The following FBXW7 variants were observed in gnomAD, a reference collection of about 807,000 sequenced individuals.
FBXW7 encodes F-box/WD repeat-containing protein 7.
FBXW7 carries 11 observed loss-of-function variants against 86.3 expected under a neutral mutation model. The observed-to-expected ratio is 0.13, with a 90% confidence interval of 0.08 to 0.21. The LOEUF (loss-of-function observed/expected upper bound fraction) is 0.21. FBXW7 is among the 10% of genes least tolerant of loss of function. The probability of loss-of-function intolerance (pLI) is 1.00; values close to 1 mark genes in which losing one functional copy is unlikely to be tolerated. For missense variants in FBXW7, 488 were observed against 847.4 expected (o/e 0.58, Z 5.27); for synonymous variants, 313 against 297.9 (o/e 1.05, Z -0.52).
chr4:152,441,088 C>G (rs1170385594), intron 2 of FBXW7, among the ~76,000 whole-genome samples: 1 of 152,110 alleles, frequency 6.6e-6, no homozygotes, highest in Non-Finnish European at 1.5e-5. Context: ...CAAAATTACA[C>G]AGACCTACCT....
chr4:152,343,266 C>T (rs899735745), intron 6 of FBXW7, among the ~76,000 whole-genome samples: 1 of 151,998 alleles, frequency 6.6e-6, no homozygotes, highest in African/African-American at 2.4e-5. Context: ...AAAGTTCTTC[C>T]ATATCACTTT....
intron 2 of FBXW7, among the ~76,000 whole-genome samples, chr4:152,515,600 G>A (rs929407796): frequency 3.9e-5 from 6 of 152,014 alleles, no homozygotes; most frequent in Non-Finnish European, 5.9e-5. Context: ...AAGAAGTCAC[G>A]CTTACTTCTT....
intron 2 of FBXW7, among the ~76,000 whole-genome samples, chr4:152,526,552 T>C (rs893691305): frequency 4.6e-5 from 7 of 152,290 alleles, no homozygotes; most frequent in African/African-American, 1.4e-4. Flanking sequence ...GTAGTTAAAA[T>C]AGAATCATGT....
chr4:152,511,690 T>C (rs541814248), intron 2 of FBXW7, among the ~76,000 whole-genome samples: 1 of 152,182 alleles, frequency 6.6e-6, no homozygotes, highest in East Asian at 1.9e-4. Flanking sequence ...AACAATACTA[T>C]TATGAAAAAA....
intron 4 of FBXW7, among the ~76,000 whole-genome samples, chr4:152,381,712 G>A (rs1327692693): frequency 6.6e-6 from 1 of 151,978 alleles, no homozygotes; most frequent in Non-Finnish European, 1.5e-5. Flanking sequence ...AAAAAGTAGT[G>A]TTCCTATTAA....
chr4:152,485,407 T>G (rs1467831781), intron 2 of FBXW7, among the ~76,000 whole-genome samples: 1 of 152,174 alleles, frequency 6.6e-6, no homozygotes, highest in Admixed American at 6.5e-5. Flanking sequence ...GAGATTATTA[T>G]TAGTAGTGGT....
chr4:152,535,996 T>TCAGCGGCGGCGGCGGCGGCAGCGG lies in FBXW7; in HGVS notation c.-1106_-1083dup, dbSNP rs1554005677. The TCAGCGGCGGCGGCGGCGGCAGCGG allele has an allele frequency of 4.1e-6, 1 of 241,162 alleles. No homozygotes were observed. The highest frequency in any genetic ancestry group is 2.3e-5 in the African/African-American group (1 of 43,456). The allele number at this position is 241,162 out of a possible 1,614,324, so 14.9% of individuals were successfully genotyped here. A position where few individuals can be genotyped will look rare whatever the true frequency, so the allele number is the denominator to read the frequency against. On this transcript the variant is annotated 5_prime_UTR_variant, in exon 1 of 14. Transcript: ENST00000281708. ...CTCGGATGCTCCTTCGCTCTCAGTC[T>TCAGCGGCGGCGGCGGCGGCAGCGG]CAGCGGCGGCGGCGGCGGCAGCGGC...
intron 2 of FBXW7, among the ~76,000 whole-genome samples, chr4:152,533,925 C>T (rs1003183610): frequency 2.0e-5 from 3 of 152,224 alleles, no homozygotes; most frequent in African/African-American, 7.2e-5. Flanking sequence ...GCAGTGGCTT[C>T]AGACAGAACG....
At chr4:152,341,474 G>T (rs891527173) in intron 6 of FBXW7, among the ~76,000 whole-genome samples, 1 of 152,202 alleles carries the variant, frequency 6.6e-6, no homozygotes, top group African/African-American at 2.4e-5. Context: ...TGACTAGAAT[G>T]TAGGTTTCAG....
intron 4 of FBXW7, among the ~76,000 whole-genome samples, chr4:152,395,770 C>T (rs1405320496): frequency 6.6e-6 from 1 of 152,020 alleles, no homozygotes; most frequent in Non-Finnish European, 1.5e-5. Flanking sequence ...CAAAGAACAT[C>T]TTCCCTTGCA....
chr4:152,512,159 C>T (rs1472514052), intron 2 of FBXW7, among the ~76,000 whole-genome samples: 1 of 152,152 alleles, frequency 6.6e-6, no homozygotes. Context: ...TTCTCAAATT[C>T]TCCATACTAC....
At chr4:152,468,944 T>C (rs1743698555) in intron 2 of FBXW7, among the ~76,000 whole-genome samples, 1 of 152,078 alleles carries the variant, frequency 6.6e-6, no homozygotes, top group Non-Finnish European at 1.5e-5. Flanking sequence ...AAGAGATCTC[T>C]GTGGCATCAT....
chr4:152,512,855 A>G (rs1748108787), intron 2 of FBXW7, among the ~76,000 whole-genome samples: 1 of 152,032 alleles, frequency 6.6e-6, no homozygotes, highest in Admixed American at 6.5e-5. Context: ...AAAACGACCG[A>G]ATATTTATTT....
intron 2 of FBXW7, among the ~76,000 whole-genome samples, chr4:152,419,812 T>TA (rs761813429): frequency 3.8e-4 from 58 of 152,062 alleles, no homozygotes; most frequent in African/African-American, 9.2e-4. Flanking sequence ...GCATTATGTG[T>TA]AAAAAAAATG....
intron 2 of FBXW7, among the ~76,000 whole-genome samples, chr4:152,527,954 T>C (rs2149742429): frequency 6.6e-6 from 1 of 151,938 alleles, no homozygotes; most frequent in Admixed American, 6.6e-5. Flanking sequence ...ACAATTTGCC[T>C]TGAGACTTCA....
At chr4:152,382,926 A>G (rs1399765446) in intron 4 of FBXW7, among the ~76,000 whole-genome samples, 1 of 152,042 alleles carries the variant, frequency 6.6e-6, no homozygotes, top group Non-Finnish European at 1.5e-5. Flanking sequence ...TACCTTAGAT[A>G]TATTATAATG....
At chr4:152,485,841 C>T (rs1560956350) in intron 2 of FBXW7, among the ~76,000 whole-genome samples, 1 of 152,164 alleles carries the variant, frequency 6.6e-6, no homozygotes. Context: ...ATTGAGTTCT[C>T]GCTGGCTAAA....
intron 2 of FBXW7, among the ~76,000 whole-genome samples, chr4:152,527,437 C>T (rs970148373): frequency 2.3e-4 from 35 of 152,134 alleles, no homozygotes; most frequent in Admixed American, 7.9e-4. Flanking sequence ...CATTCACCCC[C>T]CTAAAAAGCA....
chr4:152,486,248 C>T (rs536093170), intron 2 of FBXW7, among the ~76,000 whole-genome samples: 4 of 152,218 alleles, frequency 2.6e-5, no homozygotes, highest in African/African-American at 4.8e-5. Context: ...TTACTGCACA[C>T]GGCTGTAGGC....
Sources: allele counts gnomAD v4.1 joint callset (sites outside exome capture counted in the v4.1 genomes callset), GRCh38; gene constraint gnomAD v4.1.1; transcripts MANE v1.5; gene names NCBI Gene and HGNC (gene_info 2026-07-23, HGNC 2026-07-21).